SMC6: variants seen among roughly 807,000 people sequenced by gnomAD.
SMC6 encodes the protein structural maintenance of chromosomes protein 6.
In SMC6, 79 loss-of-function variants were observed where a neutral mutation model predicts 142.2. That is an observed-to-expected ratio of 0.56 (90% CI 0.46 to 0.67). The LOEUF (loss-of-function observed/expected upper bound fraction) is 0.67. Among genes scored for constraint, SMC6 ranks in the 30% least tolerant of loss-of-function variants. The probability of loss-of-function intolerance (pLI) is 0.00; values close to 1 mark genes in which losing one functional copy is unlikely to be tolerated. For synonymous variants in SMC6, 411 were observed against 412.4 expected, an observed-to-expected ratio of 1.00 and a Z score of 0.04; for missense variants, 1,072 against 1,284.0, an observed-to-expected ratio of 0.83 and a Z score of 2.52.
At position 17,720,998 on chromosome 2, in the gene SMC6, T is replaced by A; in HGVS notation, c.887A>T (p.Asn296Ile). The A allele has an allele frequency of 6.2e-7, 1 of 1,613,776 alleles. No homozygotes were observed. Among genetic ancestry groups the A allele is most frequent in the Non-Finnish European group, 8.5e-7 (1 of 1,179,904 alleles). Residue 296 changes from asparagine to isoleucine, a missense_variant, in exon 11 of 28, where the codon AAT (asparagine) becomes ATT (isoleucine). This residue lies in a region of SMC6 where 994 missense variants were observed against 1,153.2 expected (regional missense o/e 0.86). Transcript: ENST00000448223. ...IEKQLNAIRDNIKIGEDRAAR... is the reference protein window; with the variant it reads ...IEKQLNAIRDIIKIGEDRAAR... ...AGCACGATCTTCTCCAATTTTGATA[T>A]TATCTCTGATGGCATTCAATTGTTT...
chr2:17,742,459 A>G (rs1670520642), intron 3 of SMC6, among the ~76,000 whole-genome samples: 1 of 152,222 alleles, frequency 6.6e-6, no homozygotes, highest in Non-Finnish European at 1.5e-5. Flanking sequence ...TTATATCAGC[A>G]TTAAGTTAGA....
intron 5 of SMC6, among the ~76,000 whole-genome samples, chr2:17,733,148 G>A (rs1231271400): frequency 1.3e-5 from 2 of 152,206 alleles, no homozygotes; most frequent in Non-Finnish European, 2.9e-5. Flanking sequence ...TTGTGAATTT[G>A]TAATCATACT....
At chr2:17,745,232 G>A (rs1164566586) in intron 3 of SMC6, among the ~76,000 whole-genome samples, 1 of 151,986 alleles carries the variant, frequency 6.6e-6, no homozygotes, top group Non-Finnish European at 1.5e-5. Flanking sequence ...ATTGAAAAGT[G>A]TTCTCTTATG....
At chr2:17,673,798 A>G (rs945751865) in intron 25 of SMC6, among the ~76,000 whole-genome samples, 8 of 151,608 alleles carry the variant, frequency 5.3e-5, no homozygotes, top group Non-Finnish European at 1.0e-4. Context: ...CAAACTCCCC[A>G]CCTCAGATGA....
In SMC6 at chr2:17,665,519, C is replaced by T; in HGVS notation, c.3256G>A (p.Glu1086Lys). ...ACAAATCACCTTTGGTCATCATCTT[C>T]TTCTTGAGTCACAGGTCTGAAAGGC... Reference protein sequence around the residue: ...TLPFRPVTQEEDDDQR With the variant: ...TLPFRPVTQEKDDDQR The change falls in exon 28 of 28, where the codon GAA becomes AAA. Residue 1086 changes from glutamate (E) to lysine (K), a missense_variant. Around this residue, in one of 3 missense-constraint regions of SMC6, gnomAD observed 76 missense variants for 112.3 expected, o/e 0.68. Transcript: ENST00000448223. 7.5e-6 allele frequency: 12 copies of T among 1,609,360 alleles called. No homozygotes were observed. Among genetic ancestry groups the T allele is most frequent in the Non-Finnish European group, 1.0e-5 (12 of 1,177,372 alleles).
intron 19 of SMC6, among the ~76,000 whole-genome samples, chr2:17,702,776 CTT>C (rs1439112964): frequency 6.6e-6 from 1 of 152,108 alleles, no homozygotes; most frequent in Non-Finnish European, 1.5e-5. Context: ...GCTTGGCTCT[CTT>C]TCTCTCATGG....
chr2:17,734,253 C>T (rs116637846), intron 5 of SMC6, among the ~76,000 whole-genome samples: 3,731 of 152,298 alleles, frequency 0.024, 171 homozygotes, highest in African/African-American at 0.084. Context: ...AGTATTTCCT[C>T]TCTGCAGTTT....
At chr2:17,679,146 T>C (rs897665520) in intron 24 of SMC6, 182 bp from the exon 25 acceptor site, 1 of 492,762 alleles carries the variant, frequency 2.0e-6, no homozygotes, top group Non-Finnish European at 3.6e-6. Flanking sequence ...TATTCATTTA[T>C]GTCCCTACAC....
In SMC6 at chr2:17,698,627, G is replaced by C. The variant is rs545207291; in HGVS notation, c.2394+1581C>G. On this transcript the variant is annotated intron_variant, in intron 21 of 27. Transcript: ENST00000448223. ...GCCTATATGGCTGTATTTGAAGTGA[G>C]CTATTTATAGAGAGCATATAGTCAT... Among the ~76,000 whole-genome samples, 62 of 152,152 alleles carry C rather than the reference G, an allele frequency of 4.1e-4. No individual in the cohort carries two copies. The South Asian group carries it at 0.012, about 30-fold the overall frequency.
At chr2:17,717,439 A>C (rs1415419725) in intron 12 of SMC6, among the ~76,000 whole-genome samples, 1 of 152,244 alleles carries the variant, frequency 6.6e-6, no homozygotes, top group Admixed American at 6.5e-5. Flanking sequence ...TGGGAGGCCA[A>C]GGTGGGCGGA....
At chr2:17,667,940 T>C (rs1360601867) in intron 26 of SMC6, among the ~76,000 whole-genome samples, 2 of 152,200 alleles carry the variant, frequency 1.3e-5, no homozygotes, top group Non-Finnish European at 2.9e-5. Flanking sequence ...CAAAATGGGA[T>C]ACACATCCTG....
At chr2:17,729,755 T>C (rs966727365) in intron 7 of SMC6, among the ~76,000 whole-genome samples, 1 of 152,228 alleles carries the variant, frequency 6.6e-6, no homozygotes, top group Admixed American at 6.5e-5. Flanking sequence ...TTTCCTAAAC[T>C]TGTACTGTCT....
intron 23 of SMC6, among the ~76,000 whole-genome samples, chr2:17,689,021 G>A (rs1029653708): frequency 2.0e-5 from 3 of 152,160 alleles, no homozygotes; most frequent in African/African-American, 7.2e-5. Flanking sequence ...TACTGGCAGG[G>A]TTGCAAAGTG....
chr2:17,669,196 T>C (rs1410346422), intron 26 of SMC6, among the ~76,000 whole-genome samples: 1 of 152,090 alleles, frequency 6.6e-6, no homozygotes, highest in Non-Finnish European at 1.5e-5. Context: ...AAATGACAGT[T>C]TGCATTAATC....
At chr2:17,715,623 A>AT (rs1204124132) in intron 15 of SMC6, among the ~76,000 whole-genome samples, 2 of 152,178 alleles carry the variant, frequency 1.3e-5, no homozygotes, top group African/African-American at 4.8e-5. Context: ...ACTAAAAAAA[A>AT]TTTTTTAAGT....
intron 24 of SMC6, among the ~76,000 whole-genome samples, chr2:17,683,196 A>G (rs1187259356): frequency 2.6e-5 from 4 of 152,196 alleles, no homozygotes; most frequent in African/African-American, 9.7e-5. Flanking sequence ...TGTATCAGGT[A>G]TGATTATAGA....
chr2:17,673,730 C>T (rs1445452837), intron 25 of SMC6, among the ~76,000 whole-genome samples: 1 of 151,668 alleles, frequency 6.6e-6, no homozygotes, highest in East Asian at 1.9e-4. Flanking sequence ...CCACCATGCC[C>T]AGCTAATTTT....
chr2:17,664,590 T>C lies in SMC6; in HGVS notation c.*909A>G, dbSNP rs1485879025. The C allele has an allele frequency of 6.6e-6, 1 of 152,182 alleles. No homozygotes were observed. Among genetic ancestry groups the C allele is most frequent in the Admixed American group, 6.5e-5 (1 of 15,278 alleles). The allele number at this position is 152,182 out of a possible 1,614,324, so 9.4% of individuals were successfully genotyped here. ...TTTTCTAAAATAAAAAGTTCATAAA[T>C]ATCATTTTTTACAATAACTATATTT... On this transcript the variant is annotated 3_prime_UTR_variant, in exon 28 of 28. Transcript: ENST00000448223.
At chr2:17,689,840 T>A (rs983860737) in intron 23 of SMC6, among the ~76,000 whole-genome samples, 29 of 152,246 alleles carry the variant, frequency 1.9e-4, no homozygotes, top group Admixed American at 5.9e-4. Context: ...CTGTATTTTT[T>A]AAAAAATTTG....
Sources: gnomAD v4.1 joint callset for allele counts (sites outside exome capture counted in the v4.1 genomes callset) on GRCh38, gnomAD v4.1.1 for gene constraint, gnomAD v4.1.1 regional missense constraint, MANE v1.5 for transcripts, NCBI Gene and HGNC (gene_info 2026-07-23, HGNC 2026-07-21) for gene names.